The following NEBL variants were observed in gnomAD, a reference collection of about 807,000 sequenced individuals.
The protein encoded by NEBL is LIM and SH3 protein 2.
NEBL carries 122 observed loss-of-function variants against 140.2 expected under a neutral mutation model. That is an observed-to-expected ratio of 0.87 (90% CI 0.75 to 1.01). The LOEUF is 1.01. Ranked by LOEUF, NEBL falls within the 50% of genes least tolerant of loss-of-function variation. The probability of loss-of-function intolerance (pLI) is 0.00; values close to 1 mark genes in which losing one functional copy is unlikely to be tolerated. For synonymous variants in NEBL, 436 were observed against 398.9 expected (o/e 1.09, Z -1.11); for missense variants, 1,365 against 1,231.3 (o/e 1.11, Z -1.62).
chr10:20,990,274 T>C (rs73607567), intron 3 of NEBL, among the ~76,000 whole-genome samples: 1,725 of 152,298 alleles, frequency 0.011, 33 homozygotes, highest in African/African-American at 0.04. Context: ...TGCTTTGAAA[T>C]GTTAACAACA....
At chr10:21,115,308 C>A (rs993124842) in intron 2 of NEBL, among the ~76,000 whole-genome samples, 3 of 151,880 alleles carry the variant, frequency 2.0e-5, no homozygotes, top group African/African-American at 7.3e-5. Flanking sequence ...AACAAGAAGT[C>A]TTTTGTATTT....
intron 3 of NEBL, among the ~76,000 whole-genome samples, chr10:21,238,803 C>T (rs2132261932): frequency 6.6e-6 from 1 of 150,826 alleles, no homozygotes; most frequent in Admixed American, 6.6e-5. Context: ...CTTTTAAGAT[C>T]CCCCCCAAAA....
At chr10:21,168,633 G>C (rs556922020) in intron 2 of NEBL, among the ~76,000 whole-genome samples, 63 of 152,130 alleles carry the variant, frequency 4.1e-4, no homozygotes, top group Non-Finnish European at 7.1e-4. Flanking sequence ...ATTTTCTTAA[G>C]TGTAATAAAA....
intron 3 of NEBL, among the ~76,000 whole-genome samples, chr10:21,231,140 G>A (rs188838977): frequency 2.0e-5 from 3 of 152,290 alleles, no homozygotes; most frequent in Admixed American, 6.5e-5. Flanking sequence ...CGCGATGTGC[G>A]AGCACTTCTT....
Position 21,173,627 on chromosome 10 carries a change from G to A in NEBL, c.69+138C>T. Reference sequence around the variant, plus strand: ...CACTCCCGCTGGCGTCTTCGTTCGCGCGCCCTCCCCCCGTGCCAAGGCACA... The same window carrying A: ...CACTCCCGCTGGCGTCTTCGTTCGCACGCCCTCCCCCCGTGCCAAGGCACA... On this transcript the variant is annotated intron_variant, in intron 1 of 6. Coordinates refer to the NEBL transcript ENST00000417816. The surrounding 1 kb of genome is among the most constrained non-coding windows in gnomAD (Gnocchi z 5.7). 7.1e-7 allele frequency: 1 copy of A among 1,414,856 alleles called. No individual in the cohort carries two copies. Among genetic ancestry groups the A allele is most frequent in the Non-Finnish European group, 9.7e-7 (1 of 1,025,958 alleles). The allele number at this position is 1,414,856 out of a possible 1,614,324, so 87.6% of individuals were successfully genotyped here.
intron 16 of NEBL, 197 bp downstream of exon 16, chr10:20,830,999 T>C (rs182257417): frequency 6.5e-5 from 39 of 598,822 alleles, no homozygotes; most frequent in Middle Eastern, 3.3e-4. Context: ...CTCCATAATG[T>C]CTGTTGCATT....
intron 17 of NEBL, among the ~76,000 whole-genome samples, chr10:20,828,266 T>C (rs912502204): frequency 6.6e-6 from 1 of 152,148 alleles, no homozygotes; most frequent in African/African-American, 2.4e-5. Context: ...CAGACTTCTT[T>C]CCTGAGTTAA....
At chr10:21,248,011 A>T (rs76246287) in intron 2 of NEBL, 22 of 125,864 alleles carry the variant, frequency 1.7e-4, no homozygotes, top group Non-Finnish European at 2.8e-4. Context: ...AATTATGATT[A>T]AAAAAAAAAA....
chr10:21,209,676 C>CT (rs1410807308), intron 3 of NEBL, among the ~76,000 whole-genome samples: 28 of 80,272 alleles, frequency 3.5e-4, no homozygotes, highest in South Asian at 1.4e-3. Context: ...TTTTTTTTTT[C>CT]TTTTTTTTAC....
At position 21,169,067 on chromosome 10, in the gene NEBL, A is replaced by ATAT. The variant is rs1554830680; in HGVS notation, c.164+3315_164+3316insATA. Among the ~76,000 whole-genome samples, 44 of 23,008 alleles carry ATAT rather than the reference A, an allele frequency of 1.9e-3. 1 individual carries two copies. The highest frequency in any genetic ancestry group is 3.8e-3 in the Admixed American group (5 of 1,310). The allele number at this position is 23,008 out of a possible 152,430, so 15.1% of individuals were successfully genotyped here. ...CCGTCTACAAAAAAAAAAAAAAAAA[A>ATAT]ATATATATATATATATATATATATA... On this transcript the variant is annotated intron_variant, in intron 2 of 6. Coordinates refer to the NEBL transcript ENST00000417816.
At chr10:21,277,807 T>C (rs1842942988) in intron 1 of NEBL, among the ~76,000 whole-genome samples, 1 of 150,480 alleles carries the variant, frequency 6.6e-6, no homozygotes, top group Non-Finnish European at 1.5e-5. Flanking sequence ...TTTATGAAAG[T>C]CATTTTTTTC....
At chr10:20,864,044 T>C (rs2131186491) in intron 7 of NEBL, among the ~76,000 whole-genome samples, 1 of 152,278 alleles carries the variant, frequency 6.6e-6, no homozygotes, top group Middle Eastern at 3.4e-3. Flanking sequence ...AATGTGATTT[T>C]TAGGTTTAAA....
At chr10:21,251,019 G>A (rs940551228) in intron 2 of NEBL, among the ~76,000 whole-genome samples, 4 of 152,250 alleles carry the variant, frequency 2.6e-5, no homozygotes, top group African/African-American at 7.2e-5. Flanking sequence ...CTAAGAAGAA[G>A]TACTTTTTGA....
At chr10:21,210,773 A>G (rs1013604525) in intron 3 of NEBL, among the ~76,000 whole-genome samples, 1 of 152,254 alleles carries the variant, frequency 6.6e-6, no homozygotes, top group African/African-American at 2.4e-5. Context: ...GAGGAGGAAC[A>G]TACGTTAAGA....
At position 20,971,675 on chromosome 10, in the gene NEBL, G is replaced by A. The variant is rs1434973126; in HGVS notation, c.250-9896C>T. On this transcript the variant is annotated intron_variant, in intron 3 of 6. Transcript: ENST00000417816. ...GTCACCCAGGCTGGTGTGCAGTGGC[G>A]CAATCTCGGCTCAATGCAAGCTCTG... Among the ~76,000 whole-genome samples, 9 of 142,440 alleles carry A rather than the reference G, an allele frequency of 6.3e-5. No individual in the cohort carries two copies. The East Asian group carries it at 1.1e-3, about 17-fold the overall frequency. The allele number at this position is 142,440 out of a possible 152,430, so 93.4% of individuals were successfully genotyped here.
intron 3 of NEBL, among the ~76,000 whole-genome samples, chr10:21,215,662 G>GT (rs1012368368): frequency 2.6e-5 from 4 of 151,932 alleles, no homozygotes; most frequent in Admixed American, 2.0e-4. Flanking sequence ...GTTTTGTTTT[G>GT]TTTTGTTTTT....
At chr10:21,060,273 T>C (rs940000127) in intron 2 of NEBL, among the ~76,000 whole-genome samples, 1 of 152,170 alleles carries the variant, frequency 6.6e-6, no homozygotes, top group Admixed American at 6.5e-5. Flanking sequence ...TCACATTCCA[T>C]CTCGACTCAT....
chr10:20,805,257 G>A (rs1176319676), intron 26 of NEBL, among the ~76,000 whole-genome samples: 1 of 152,194 alleles, frequency 6.6e-6, no homozygotes, highest in Non-Finnish European at 1.5e-5. Flanking sequence ...AACTTATAAG[G>A]TTTGATATAT....
intron 4 of NEBL, among the ~76,000 whole-genome samples, chr10:20,949,327 A>G (rs1247085303): frequency 1.3e-5 from 2 of 152,198 alleles, no homozygotes; most frequent in East Asian, 3.9e-4. Context: ...GAAGAGCATT[A>G]GGACAAATAC....
Sources: allele counts gnomAD v4.1 joint callset (sites outside exome capture counted in the v4.1 genomes callset), GRCh38; gene constraint gnomAD v4.1.1; non-coding constraint Gnocchi (gnomAD v3.1); transcripts MANE v1.5; gene names NCBI Gene and HGNC (gene_info 2026-07-23, HGNC 2026-07-21).